The following BANF1 variants were observed in gnomAD, a reference collection of about 807,000 sequenced individuals.
BANF1 encodes barrier to autointegration nuclear assembly factor 1.
For synonymous variants in BANF1, 49 were observed against 43.7 expected (o/e 1.12, Z -0.48); for missense variants, 47 against 110.4 (o/e 0.43, Z 2.57).
At chr11:66,002,983 G>C in intron 1 of BANF1, 1 of 472,764 alleles carries the variant, frequency 2.1e-6, no homozygotes, top group Non-Finnish European at 3.9e-6. Context: ...CCACTGCCCC[G>C]CTTGCGCCAC....
At position 66,003,746 on chromosome 11, in the gene BANF1, C is replaced by A; in HGVS notation, c.244C>A (p.Arg82=). 1.2e-6 allele frequency: 2 copies of A among 1,614,110 alleles called. No homozygotes were observed. Among genetic ancestry groups the A allele is most frequent in the African/African-American group, 1.3e-5 (1 of 75,002 alleles). ...KQSRDCFGCL[R]EWCDAFL The stretch of plus-strand genomic sequence containing the variant: ...GTCCCGGGACTGCTTCGGATGCCTT[C>A]GAGAGTGGTGCGACGCCTTCTTGTG... Residue 82 remains arginine (R), a synonymous_variant, in exon 3 of 3, where the codon CGA becomes AGA. Transcript: ENST00000312175.
Position 66,003,335 on chromosome 11 carries a change from G to A in BANF1, c.85G>A (p.Val29Ile). ...GGGGAGCCTGGCTGGGATTGGTGAAGTCCTGGGCAAGAAGCTGGAGGAAAG... is the reference window on the plus strand; with the variant it reads ...GGGGAGCCTGGCTGGGATTGGTGAAATCCTGGGCAAGAAGCTGGAGGAAAG... ...PVGSLAGIGE[V>I]LGKKLEERGF... is the part of the protein sequence containing the mutation. Residue 29 changes from valine (V) to isoleucine (I), a missense_variant, in exon 2 of 3, where the codon GTC becomes ATC. Val to Ile is a conservative substitution (Grantham distance 29). Coordinates refer to ENST00000312175, the MANE Select transcript of BANF1 (RefSeq NM_003860.4). 2 of 1,613,836 alleles carry A rather than the reference G, an allele frequency of 1.2e-6. No individual in the cohort carries two copies. Among genetic ancestry groups the A allele is most frequent in the East Asian group, 4.5e-5 (2 of 44,854 alleles).
intron 2 of BANF1, 47 bp from the exon 3 acceptor site, chr11:66,003,579 T>TCACTGAG (rs56984820): frequency 1.2e-6 from 2 of 1,612,558 alleles, no homozygotes; most frequent in East Asian, 2.2e-5. Context: ...CTCTTATCTC[T>TCACTGAG]CACTGAGCAC....
At chr11:66,002,998 TA>T in intron 1 of BANF1, 4 of 504,474 alleles carry the variant, frequency 7.9e-6, no homozygotes, top group Non-Finnish European at 1.4e-5. Context: ...CGCCACCTGT[TA>T]GGCAGGATCG....
rs1565063832 is a variant in BANF1, at chr11:66,003,519, G to A, written c.124-107G>A. On this transcript the variant is annotated intron_variant, in intron 2 of 2. Transcript: ENST00000312175. Reference sequence around the variant, plus strand: ...GAGAGGAGAGGGGGGCAAAACCCGCGCTGCTTCCTGGGCTTGTGTGCTCTG... The same window carrying A: ...GAGAGGAGAGGGGGGCAAAACCCGCACTGCTTCCTGGGCTTGTGTGCTCTG... 10 of 1,610,388 alleles carry A rather than the reference G, an allele frequency of 6.2e-6. No individual in the cohort carries two copies. The Admixed American group carries it at 1.3e-4, about 22-fold the overall frequency.
In BANF1 at chr11:66,003,872, C is replaced by T. The variant is rs145574018; in HGVS notation, c.*100C>T. The T allele has an allele frequency of 7.5e-4, 1,166 of 1,549,076 alleles. 12 individuals carry two copies. The African/African-American group carries it at 0.014, about 19-fold the overall frequency. Reference sequence around the variant, plus strand: ...CTACGAAGGAAAAGATTGCTATTGTCGTACTCACCTCCGACGTACTCCGGG... The same window carrying T: ...CTACGAAGGAAAAGATTGCTATTGTTGTACTCACCTCCGACGTACTCCGGG... On this transcript the variant is annotated 3_prime_UTR_variant, in exon 3 of 3. Transcript: ENST00000312175.
chr11:66,003,228 T>A lies in BANF1; in HGVS notation c.-16-7T>A. The A allele has an allele frequency of 1.2e-6, 2 of 1,612,084 alleles. No individual in the cohort carries two copies. The highest frequency in any genetic ancestry group is 2.7e-5 in the African/African-American group (2 of 74,786). Reference sequence around the variant, plus strand: ...GCCCTAATCTGCCTTTTTTTTGGGATTCCTAGATTAAGCCTGATCAAGATG... The same window carrying A: ...GCCCTAATCTGCCTTTTTTTTGGGAATCCTAGATTAAGCCTGATCAAGATG... On this transcript the variant is annotated splice_polypyrimidine_tract_variant and splice_region_variant and intron_variant, in intron 1 of 2. Coordinates refer to ENST00000312175, the MANE Select transcript of BANF1 (RefSeq NM_003860.4).
In BANF1 at chr11:66,003,834, C is replaced by T. The variant is rs1856072043; in HGVS notation, c.*62C>T. 1.9e-6 allele frequency: 3 copies of T among 1,605,956 alleles called. No homozygotes were observed. The highest frequency in any genetic ancestry group is 1.3e-5 in the African/African-American group (1 of 74,812). On this transcript the variant is annotated 3_prime_UTR_variant, in exon 3 of 3. Coordinates refer to ENST00000312175, the MANE Select transcript of BANF1 (RefSeq NM_003860.4). ...CAGAGTTTGCAGCCGAGTAGGGACT[C>T]CTCCCCTGTCCTCTACGAAGGAAAA...
In BANF1 at chr11:66,003,391, G is replaced by A; in HGVS notation, c.123+18G>A. 1 of 1,613,810 alleles carries A rather than the reference G, an allele frequency of 6.2e-7. No individual in the cohort carries two copies. Among genetic ancestry groups the A allele is most frequent in the Non-Finnish European group, 8.5e-7 (1 of 1,179,876 alleles). On this transcript the variant is annotated intron_variant, in intron 2 of 2. Transcript: ENST00000312175. ...TTGACAAGGTGTGGGGTGGCTGCGTGTACCTAGTGCAAGCGGGGGGTGGAA... is the reference window on the plus strand; with the variant it reads ...TTGACAAGGTGTGGGGTGGCTGCGTATACCTAGTGCAAGCGGGGGGTGGAA...
At chr11:66,002,787 C>T (rs1370635906) in intron 1 of BANF1, 4 of 163,236 alleles carry the variant, frequency 2.5e-5, no homozygotes, top group Admixed American at 2.4e-4. Flanking sequence ...GGCGTGAACC[C>T]CGCGGGCGGG....
At chr11:66,003,457 T>C (rs1856058403) in intron 2 of BANF1, 84 bp downstream of exon 2, 4 of 1,610,860 alleles carry the variant, frequency 2.5e-6, no homozygotes, top group Non-Finnish European at 3.4e-6. Context: ...CAGTAAGGTA[T>C]AATCTGAAGA....
chr11:66,002,833 C>T (rs1045145685), intron 1 of BANF1: 2 of 267,804 alleles, frequency 7.5e-6, no homozygotes, highest in Admixed American at 9.7e-5. Flanking sequence ...TGCGCTTCGC[C>T]CTGTAGGTAG....
intron 1 of BANF1, chr11:66,002,784 AC>A (rs1334124797): frequency 6.2e-6 from 1 of 161,770 alleles, no homozygotes; most frequent in Non-Finnish European, 1.4e-5. Context: ...CGCGGCGTGA[AC>A]CCCGCGGGCG....
In BANF1 at chr11:66,002,932, T is replaced by C. The variant is rs72930964; in HGVS notation, c.-16-303T>C. Reference sequence around the variant, plus strand: ...TCAGCCAAGGTCACAGAGGGAGTGATAGCTTCCGCGCAGCCCTGGCTACGG... The same window carrying C: ...TCAGCCAAGGTCACAGAGGGAGTGACAGCTTCCGCGCAGCCCTGGCTACGG... On this transcript the variant is annotated intron_variant, in intron 1 of 2. Coordinates refer to ENST00000312175, the MANE Select transcript of BANF1 (RefSeq NM_003860.4). The C allele has an allele frequency of 0.04, 15,857 of 398,630 alleles. 625 individuals are homozygous for C. The highest frequency in any genetic ancestry group is 0.16 in the East Asian group (2,656 of 17,088). 24.7% of individuals were successfully genotyped at this position (398,630 alleles called of 1,614,324 possible).
intron 1 of BANF1, chr11:66,002,917 T>A (rs906425884): frequency 8.0e-6 from 3 of 376,138 alleles, no homozygotes; most frequent in Non-Finnish European, 1.5e-5. Flanking sequence ...TCAGCCAAGG[T>A]CACAGAGGGA....
In BANF1 at chr11:66,002,942, G is replaced by A. The variant is rs12794370; in HGVS notation, c.-16-293G>A. ...TCACAGAGGGAGTGATAGCTTCCGCGCAGCCCTGGCTACGGACTCTGGGCA... is the reference window on the plus strand; with the variant it reads ...TCACAGAGGGAGTGATAGCTTCCGCACAGCCCTGGCTACGGACTCTGGGCA... On this transcript the variant is annotated intron_variant, in intron 1 of 2. Transcript: ENST00000312175. 180,420 of 407,568 alleles carry A rather than the reference G, an allele frequency of 0.44. 41,236 individuals are homozygous for A. Among genetic ancestry groups the A allele is most frequent in the Admixed American group, 0.59 (16,484 of 28,028 alleles). The allele number at this position is 407,568 out of a possible 1,614,324, so 25.2% of individuals were successfully genotyped here. A position where few individuals can be genotyped will look rare whatever the true frequency, so the allele number is the denominator to read the frequency against.
At chr11:66,003,118 G>A (rs1856045447) in intron 1 of BANF1, 117 bp from the exon 2 acceptor site, 1 of 1,058,972 alleles carries the variant, frequency 9.4e-7, no homozygotes, top group Non-Finnish European at 1.4e-6. Context: ...AGGATGAGGG[G>A]GATCGAGCAA....
chr11:66,003,192 C>G, intron 1 of BANF1, 43 bp from the exon 2 acceptor site: 3 of 1,607,476 alleles, frequency 1.9e-6, no homozygotes, highest in Non-Finnish European at 2.5e-6. Context: ...CTTAGAAGTT[C>G]CAGGTCTTCA....
chr11:66,002,752 C>T (rs1856027594), intron 1 of BANF1, 182 bp downstream of exon 1: 1 of 135,098 alleles, frequency 7.4e-6, no homozygotes, highest in Non-Finnish European at 1.5e-5. Flanking sequence ...CGCAGCGGCG[C>T]GCGGTGGGGG....
Sources: allele counts gnomAD v4.1 joint callset, GRCh38; gene constraint gnomAD v4.1.1; transcripts MANE v1.5; gene names NCBI Gene and HGNC (gene_info 2026-07-23, HGNC 2026-07-21).